The following IL1RAP variants were observed in gnomAD, a reference collection of about 807,000 sequenced individuals.
The protein encoded by IL1RAP is interleukin-1 receptor accessory protein.
IL1RAP carries 35 observed loss-of-function variants against 60.7 expected under a neutral mutation model. That is an observed-to-expected ratio of 0.58 (90% CI 0.44 to 0.76). The LOEUF (loss-of-function observed/expected upper bound fraction) is 0.76. Ranked by LOEUF, IL1RAP falls within the 30% of genes least tolerant of loss-of-function variation. The pLI, the probability that IL1RAP is intolerant of heterozygous loss-of-function variation, is 0.00. For synonymous variants in IL1RAP, 268 were observed against 250.9 expected, an observed-to-expected ratio of 1.07 and a Z score of -0.64; for missense variants, 572 against 693.9, an observed-to-expected ratio of 0.82 and a Z score of 1.97.
At chr3:190,534,843 TTAG>T in intron 1 of IL1RAP, among the ~76,000 whole-genome samples, 1 of 151,234 alleles carries the variant, frequency 6.6e-6, no homozygotes, top group African/African-American at 2.4e-5. Flanking sequence ...CCAAATAACA[TTAG>T]TGACTTCTGA....
intron 5 of IL1RAP, among the ~76,000 whole-genome samples, chr3:190,619,310 T>G (rs916394903): frequency 3.3e-5 from 5 of 152,244 alleles, no homozygotes; most frequent in African/African-American, 1.2e-4. Flanking sequence ...GATAGTTCAA[T>G]TTCTCAATTT....
rs576334896 is a variant in IL1RAP at position 190,562,942 on chromosome 3, G to A, written c.-1-1347G>A. On this transcript the variant is annotated intron_variant, in intron 2 of 11. Coordinates refer to ENST00000447382, the MANE Select transcript of IL1RAP (RefSeq NM_002182.4). ...ATGAAACAACAGCTTGTGATATGAC[G>A]AGCTCACCTGTGATTTGTGTACAAC... 3.1e-4 allele frequency among the ~76,000 whole-genome samples: 47 copies of A among 152,226 alleles called. No individual in the cohort carries two copies. In the South Asian group the frequency reaches 8.3e-3, roughly 27 times the overall value.
rs559610094 is a variant in IL1RAP at position 190,529,706 on chromosome 3, T to A, written c.-89+15487T>A. On this transcript the variant is annotated intron_variant, in intron 1 of 11. Transcript: ENST00000447382. ...CAAAAGAAAAAAAAAAAAAAAAATT[T>A]AGCCGGGCGTGGTGGCAGTCACCTG... 9.5e-3 allele frequency among the ~76,000 whole-genome samples: 1,357 copies of A among 142,602 alleles called. 40 individuals are homozygous for A. The highest frequency in any genetic ancestry group is 0.035 in the African/African-American group (1,292 of 37,192). 93.6% of individuals were successfully genotyped at this position (142,602 alleles called of 152,430 possible). A position where few individuals can be genotyped will look rare whatever the true frequency, so the allele number is the denominator to read the frequency against.
intron 3 of IL1RAP, among the ~76,000 whole-genome samples, chr3:190,596,225 C>T (rs974212554): frequency 6.6e-6 from 1 of 152,182 alleles, no homozygotes; most frequent in Non-Finnish European, 1.5e-5. Context: ...TAGTGCTTTG[C>T]GCATAGCAGG....
chr3:190,654,973 T>C (rs969410610), downstream of IL1RAP, among the ~76,000 whole-genome samples: 4 of 152,206 alleles, frequency 2.6e-5, no homozygotes, highest in Non-Finnish European at 5.9e-5. Context: ...GCTACTTGAC[T>C]AATTCTTACC....
At chr3:190,606,580 CT>C (rs1722443476) in intron 4 of IL1RAP, among the ~76,000 whole-genome samples, 1 of 152,204 alleles carries the variant, frequency 6.6e-6, no homozygotes, top group African/African-American at 2.4e-5. Flanking sequence ...CTTCCACAAA[CT>C]TTTCTAATCT....
intron 1 of IL1RAP, among the ~76,000 whole-genome samples, chr3:190,532,563 G>A (rs1223184918): frequency 2.6e-5 from 4 of 152,150 alleles, no homozygotes; most frequent in African/African-American, 4.8e-5. Flanking sequence ...CATGTGAGGT[G>A]CTTTACTGAC....
At chr3:190,528,172 C>T (rs577873531) in intron 1 of IL1RAP, among the ~76,000 whole-genome samples, 1 of 152,136 alleles carries the variant, frequency 6.6e-6, no homozygotes, top group Non-Finnish European at 1.5e-5. Flanking sequence ...TACTTGTATA[C>T]TAAATGGTCC....
intron 1 of IL1RAP, chr3:190,518,127 T>C (rs901900206): frequency 3.3e-5 from 5 of 151,878 alleles, no homozygotes; most frequent in Admixed American, 1.3e-4. Context: ...ACTGATAGGG[T>C]TGTTAGGAGA....
At chr3:190,636,743 T>C (rs1733255442) in intron 9 of IL1RAP, among the ~76,000 whole-genome samples, 1 of 152,162 alleles carries the variant, frequency 6.6e-6, no homozygotes. Flanking sequence ...TATTATTGGG[T>C]ATTGGATCCA....
chr3:190,557,482 G>A (rs972782690), intron 2 of IL1RAP, among the ~76,000 whole-genome samples: 9 of 152,164 alleles, frequency 5.9e-5, no homozygotes, highest in Non-Finnish European at 1.2e-4. Flanking sequence ...AAGGGAGAAG[G>A]CAGTATCTAA....
chr3:190,648,387 G>T lies in IL1RAP; in HGVS notation c.1395G>T (p.Leu465=). The T allele has an allele frequency of 6.2e-7, 1 of 1,609,744 alleles. No homozygotes were observed. Among genetic ancestry groups the T allele is most frequent in the Admixed American group, 1.7e-5 (1 of 58,756 alleles). Residue 465 remains leucine, a synonymous_variant, in exon 12 of 12, where the codon CTG becomes CTT. Transcript: ENST00000447382. The part of the protein sequence containing the change: ...LSFIQKSRRL[L]VVLSPNYVLQ... ...TCATTCAGAAAAGCAGACGCCTCCT[G>T]GTTGTTCTAAGCCCCAACTACGTGC...
chr3:190,566,825 G>T (rs551385733), intron 3 of IL1RAP, among the ~76,000 whole-genome samples: 1 of 152,130 alleles, frequency 6.6e-6, no homozygotes. Context: ...GCATCTTGAG[G>T]GATCAACCAA....
At chr3:190,603,481 T>C (rs1406584882) in intron 3 of IL1RAP, among the ~76,000 whole-genome samples, 2 of 152,184 alleles carry the variant, frequency 1.3e-5, no homozygotes, top group African/African-American at 4.8e-5. Flanking sequence ...CATATGTGGC[T>C]AGTCCAGATT....
intron 2 of IL1RAP, among the ~76,000 whole-genome samples, chr3:190,560,799 A>G (rs1038707559): frequency 2.0e-5 from 3 of 152,194 alleles, no homozygotes; most frequent in Non-Finnish European, 4.4e-5. Flanking sequence ...TCATATGCGG[A>G]AGTAGATGTT....
At chr3:190,637,230 C>G (rs1733296584) in intron 9 of IL1RAP, among the ~76,000 whole-genome samples, 1 of 152,124 alleles carries the variant, frequency 6.6e-6, no homozygotes, top group African/African-American at 2.4e-5. Flanking sequence ...ATTTCTGACA[C>G]TATCCATTCT....
intron 1 of IL1RAP, among the ~76,000 whole-genome samples, chr3:190,519,815 C>G (rs910154552): frequency 2.6e-5 from 4 of 151,760 alleles, no homozygotes; most frequent in African/African-American, 9.7e-5. Flanking sequence ...TTTGTTCATC[C>G]CCATTGGGCA....
At chr3:190,629,566 G>C in intron 9 of IL1RAP, 68 bp downstream of exon 9, 1 of 1,528,602 alleles carries the variant, frequency 6.5e-7, no homozygotes, top group African/African-American at 1.4e-5. Context: ...AGGACAAAAG[G>C]AGAGATTGAG....
At chr3:190,644,101 G>C in intron 9 of IL1RAP, 147 bp from the exon 10 acceptor site, 1 of 1,417,166 alleles carries the variant, frequency 7.1e-7, no homozygotes. Flanking sequence ...TTAAAATAGT[G>C]CTAAACTCTA....
Sources: gnomAD v4.1 joint callset for allele counts (sites outside exome capture counted in the v4.1 genomes callset) on GRCh38, gnomAD v4.1.1 for gene constraint, MANE v1.5 for transcripts, NCBI Gene and HGNC (gene_info 2026-07-23, HGNC 2026-07-21) for gene names.